Variants in CNN2 observed in about 807,000 individuals in gnomAD.
CNN2 encodes the protein calponin 2, also known as calponin-2.
A neutral mutation model predicts 31.0 loss-of-function variants in CNN2; 21 were observed. That is an observed-to-expected ratio of 0.68 (90% CI 0.48 to 0.98). The LOEUF (loss-of-function observed/expected upper bound fraction) is 0.98. Ranked by LOEUF, CNN2 falls within the 50% of genes least tolerant of loss-of-function variation. The pLI is 0.00. For synonymous variants in CNN2, 165 were observed against 179.6 expected (o/e 0.92, Z 0.65); for missense variants, 399 against 427.3 (o/e 0.93, Z 0.58).
At chr19:1,036,888 CT>C (rs1362953847) in intron 6 of CNN2, 8 of 391,410 alleles carry the variant, frequency 2.0e-5, no homozygotes, top group Non-Finnish European at 3.4e-5. Flanking sequence ...GGATCTCACT[CT>C]GTTGTCCAGG....
At chr19:1,028,372 C>T (rs1403057702) in intron 1 of CNN2, among the ~76,000 whole-genome samples, 1 of 152,042 alleles carries the variant, frequency 6.6e-6, no homozygotes, top group Non-Finnish European at 1.5e-5. Context: ...GGAGGGTGGG[C>T]GAGGCGTCGG....
intron 4 of CNN2, chr19:1,033,018 A>G: frequency 3.7e-6 from 1 of 267,508 alleles, no homozygotes; most frequent in Non-Finnish European, 7.5e-6. Context: ...ACTTCAGGTG[A>G]TCCGCCCGCC....
At chr19:1,031,338 T>TGGGGGGGGGGGG in intron 2 of CNN2, 146 bp downstream of exon 2, 1 of 33,998 alleles carries the variant, frequency 2.9e-5, no homozygotes, top group Non-Finnish European at 5.7e-5. Context: ...CCGAGGGTGG[T>TGGGGGGGGGGGG]GGCGGGGGGC....
chr19:1,036,338 C>T (rs2144630281), intron 5 of CNN2, 78 bp from the exon 6 acceptor site: 3 of 1,582,710 alleles, frequency 1.9e-6, no homozygotes, highest in Non-Finnish European at 2.6e-6. Context: ...GGCATGGAGC[C>T]CTGTGGTCCC....
chr19:1,036,771 G>A, intron 6 of CNN2: 1 of 645,078 alleles, frequency 1.6e-6, no homozygotes, highest in Non-Finnish European at 2.8e-6. Flanking sequence ...CTCTAGGGAA[G>A]TTACTACCTC....
Position 1,036,165 on chromosome 19 carries a change from T to G in CNN2, c.426T>G (p.Ile142Met). 1.3e-6 allele frequency: 2 copies of G among 1,576,704 alleles called. No individual in the cohort carries two copies. The highest frequency in any genetic ancestry group is 1.7e-6 in the Non-Finnish European group (2 of 1,160,852). ...AGGGGCTGCAGAGCGGGGTGGACAT[T>G]GGCGTCAAGTACTCGGAGAAGCAGG... is the stretch of plus-strand genomic sequence containing the variant. ...KTKGLQSGVD[I>M]GVKYSEKQER... The change falls in exon 5 of 7, where the codon ATT becomes ATG. Residue 142 changes from isoleucine to methionine, a missense_variant. By Grantham distance (10) the Ile-to-Met change is conservative. Coordinates refer to ENST00000263097, the MANE Select transcript of CNN2 (RefSeq NM_004368.4).
rs56107670 is a variant in CNN2 at position 1,038,153 on chromosome 19, C to T, written c.*253C>T. ...AATACGTGTAGGGCGAGGGTCCCTG[C>T]TGGCACATTCAGGCTGTGCTGGGAA... is the stretch of plus-strand genomic sequence containing the variant. On this transcript the variant is annotated 3_prime_UTR_variant, in exon 7 of 7. Transcript: ENST00000263097. 0.015 allele frequency: 6,165 copies of T among 425,054 alleles called. 339 individuals carry two copies. Among genetic ancestry groups the T allele is most frequent in the African/African-American group, 0.11 (5,584 of 49,638 alleles). 26.3% of individuals were successfully genotyped at this position (425,054 alleles called of 1,614,324 possible).
Position 1,038,932 on chromosome 19 carries a change from A to G in CNN2, c.*1032A>G, listed in dbSNP as rs1301254317. ...TCCCTTCTGGGCCCGACCAGCTTATACTGCTCCATCTTCCCCGGCCACATG... is the reference window on the plus strand; with the variant it reads ...TCCCTTCTGGGCCCGACCAGCTTATGCTGCTCCATCTTCCCCGGCCACATG... On this transcript the variant is annotated 3_prime_UTR_variant, in exon 7 of 7. Coordinates refer to ENST00000263097, the MANE Select transcript of CNN2 (RefSeq NM_004368.4). The G allele has an allele frequency of 5.3e-5, 8 of 152,240 alleles. No individual in the cohort carries two copies. Among genetic ancestry groups the G allele is most frequent in the Admixed American group, 5.3e-4 (8 of 15,230 alleles). The allele number at this position is 152,240 out of a possible 1,614,324, so 9.4% of individuals were successfully genotyped here.
intron 1 of CNN2, among the ~76,000 whole-genome samples, chr19:1,030,634 TAAAAA>T (rs1476080541): frequency 1.3e-5 from 2 of 151,158 alleles, no homozygotes; most frequent in Non-Finnish European, 3.0e-5. Flanking sequence ...TCAAAAAAAA[TAAAAA>T]AGAAAAAAGA....
chr19:1,026,820 A>T (rs905014794), intron 1 of CNN2, 96 bp downstream of exon 1: 3 of 1,254,346 alleles, frequency 2.4e-6, no homozygotes, highest in East Asian at 3.0e-5. Context: ...CCTCCCGGGC[A>T]GGGAGCTTGG....
rs1264323043 is a variant in CNN2 at position 1,031,211 on chromosome 19, A to C, written c.185+19A>C. ...TATGCACGTGAGTACACGCAGGGAC[A>C]CAGGCTGTCTCACACTTAACAAATC... is the stretch of plus-strand genomic sequence containing the variant. On this transcript the variant is annotated intron_variant, in intron 2 of 6. Transcript: ENST00000263097. The C allele has an allele frequency of 5.1e-6, 8 of 1,581,992 alleles. No individual in the cohort carries two copies. In the African/African-American group the frequency reaches 8.1e-5, roughly 16 times the overall value.
rs1298916306 is a variant in CNN2 at position 1,036,423 on chromosome 19, C to T, written c.515C>T (p.Thr172Ile). ...GQCVIGLQMG[T>I]NKCASQSGMT... ...CCACGAACCTCCCTGCAGATGGGCA[C>T]CAACAAATGCGCCAGCCAGTCGGGC... Residue 172 changes from threonine to isoleucine, a missense_variant, in exon 6 of 7, where the codon ACC (threonine) becomes ATC (isoleucine). Transcript: ENST00000263097. 7.4e-6 allele frequency: 12 copies of T among 1,613,424 alleles called. No individual in the cohort carries two copies. Among genetic ancestry groups the T allele is most frequent in the East Asian group, 2.2e-5 (1 of 44,890 alleles).
intron 1 of CNN2, among the ~76,000 whole-genome samples, chr19:1,030,408 C>T (rs976837451): frequency 3.9e-5 from 6 of 152,040 alleles, no homozygotes; most frequent in African/African-American, 9.7e-5. Context: ...GGGCAGATCA[C>T]GAGGTCAGGA....
intron 5 of CNN2, 84 bp from the exon 6 acceptor site, chr19:1,036,332 T>C: frequency 6.3e-7 from 1 of 1,577,968 alleles, no homozygotes; most frequent in Non-Finnish European, 8.6e-7. Context: ...GACAGCGGCA[T>C]GGAGCCCTGT....
At chr19:1,032,875 T>G in intron 4 of CNN2, 179 bp downstream of exon 4, 70 of 530,370 alleles carry the variant, frequency 1.3e-4, no homozygotes, top group Middle Eastern at 5.2e-4. Context: ...AACTCCCAGG[T>G]TCAAGCGATT....
chr19:1,032,178 T>C (rs565194064), intron 2 of CNN2, among the ~76,000 whole-genome samples: 2 of 145,944 alleles, frequency 1.4e-5, no homozygotes, highest in Admixed American at 1.4e-4. Flanking sequence ...GAGGTGGCAG[T>C]GAGTCTAGAT....
At chr19:1,030,877 C>T (rs1028741205) in intron 1 of CNN2, 194 bp from the exon 2 acceptor site, 12 of 629,202 alleles carry the variant, frequency 1.9e-5, no homozygotes, top group Middle Eastern at 4.8e-4. Context: ...TATCTGTGCC[C>T]GCCTGCAGTG....
rs533242619 is a variant in CNN2, at chr19:1,031,729, C to T, written c.185+537C>T. 7.6e-4 allele frequency among the ~76,000 whole-genome samples: 115 copies of T among 150,862 alleles called. 2 individuals are homozygous for T. The highest frequency in any genetic ancestry group is 2.7e-3 in the African/African-American group (112 of 41,250). The stretch of plus-strand genomic sequence containing the variant: ...TCCTGGGTTCAAGTGATTCCCCTGC[C>T]TCAGCCTCCCGAGTAGCTGGGATTA... On this transcript the variant is annotated intron_variant, in intron 2 of 6. Transcript: ENST00000263097.
At chr19:1,032,525 G>A (rs746927045) in intron 3 of CNN2, 34 bp from the exon 4 acceptor site, 3 of 1,613,324 alleles carry the variant, frequency 1.9e-6, no homozygotes, top group Non-Finnish European at 2.5e-6. Context: ...GGAGACTGAG[G>A]CCCACTCACT....
Sources: allele counts gnomAD v4.1 joint callset (sites outside exome capture counted in the v4.1 genomes callset), GRCh38; gene constraint gnomAD v4.1.1; transcripts MANE v1.5; gene names NCBI Gene and HGNC (gene_info 2026-07-23, HGNC 2026-07-21).